Variants in ULK2 observed in about 807,000 individuals in gnomAD.
ULK2 encodes the protein unc-51 like autophagy activating kinase 2.
Under a neutral mutation model 127.5 loss-of-function variants are expected in ULK2, and 76 were observed. That is an observed-to-expected ratio of 0.60 (90% CI 0.50 to 0.72). ULK2 has a LOEUF of 0.72. Among genes scored for constraint, ULK2 ranks in the 30% least tolerant of loss-of-function variants. The probability of loss-of-function intolerance (pLI) is 0.00; values close to 1 mark genes in which losing one functional copy is unlikely to be tolerated. For missense variants in ULK2, 1,144 were observed against 1,295.9 expected, an observed-to-expected ratio of 0.88 and a Z score of 1.80; for synonymous variants, 452 against 461.9, an observed-to-expected ratio of 0.98 and a Z score of 0.28.
intron 2 of ULK2, 146 bp downstream of exon 2, chr17:19,865,590 T>TA: frequency 4.0e-6 from 2 of 501,634 alleles, no homozygotes; most frequent in East Asian, 7.4e-5. Flanking sequence ...CTCAATGTTT[T>TA]AAAAAAGTGA....
chr17:19,841,869 G>A (rs2041766247), intron 8 of ULK2, among the ~76,000 whole-genome samples: 1 of 151,964 alleles, frequency 6.6e-6, no homozygotes, highest in East Asian at 1.9e-4. Context: ...CCTTTTCTGA[G>A]GTACCTTTTC....
chr17:19,780,293 T>A (rs895810669), intron 25 of ULK2, among the ~76,000 whole-genome samples, 179 bp downstream of exon 25: 1 of 152,158 alleles, frequency 6.6e-6, no homozygotes, highest in African/African-American at 2.4e-5. Context: ...TTAAAATACA[T>A]CCAGTAAATG....
chr17:19,785,171 T>C (rs1041325617), intron 21 of ULK2, among the ~76,000 whole-genome samples: 29 of 152,232 alleles, frequency 1.9e-4, no homozygotes, highest in African/African-American at 4.8e-4. Flanking sequence ...AGTGCAAAGA[T>C]TGAGACCCAA....
chr17:19,810,304 A>C, intron 14 of ULK2, 74 bp downstream of exon 14: 1 of 961,154 alleles, frequency 1.0e-6, no homozygotes, highest in Non-Finnish European at 1.6e-6. Context: ...AATCAAGAAC[A>C]CTAAGTTCTA....
At chr17:19,852,780 G>A (rs1316396135) in intron 3 of ULK2, among the ~76,000 whole-genome samples, 5 of 150,948 alleles carry the variant, frequency 3.3e-5, no homozygotes, top group African/African-American at 4.9e-5. Context: ...ACAGGCACCC[G>A]CCACCACACC....
chr17:19,788,812 T>C (rs2087090380), intron 20 of ULK2, among the ~76,000 whole-genome samples: 2 of 152,242 alleles, frequency 1.3e-5, no homozygotes, highest in South Asian at 2.1e-4. Context: ...GAACTCCTTG[T>C]GGGCCATTGG....
intron 26 of ULK2, 72 bp from the exon 27 acceptor site, chr17:19,776,479 G>T: frequency 7.5e-7 from 1 of 1,335,304 alleles, no homozygotes; most frequent in South Asian, 1.4e-5. Context: ...TTCTATCTTT[G>T]CCCCAAAGTT....
Position 19,772,178 on chromosome 17 carries a change from TAC to T in ULK2, c.*4169_*4170del, listed in dbSNP as rs1440047925. On this transcript the variant is annotated 3_prime_UTR_variant, in exon 27 of 27. Coordinates refer to ENST00000395544, the MANE Select transcript of ULK2 (RefSeq NM_014683.4). The stretch of plus-strand genomic sequence containing the variant: ...TCTCAGCCTCTGCTCCTTTCCCTAG[TAC>T]AGTTTGATCTCTGAATTCACTTTGA... 6.6e-6 allele frequency: 1 copy of T among 152,310 alleles called. No individual in the cohort carries two copies. The highest frequency in any genetic ancestry group is 1.9e-4 in the East Asian group (1 of 5,204). The allele number at this position is 152,310 out of a possible 1,614,324, so 9.4% of individuals were successfully genotyped here.
chr17:19,867,223 G>A, intron 1 of ULK2, 105 bp downstream of exon 1: 1 of 841,156 alleles, frequency 1.2e-6, no homozygotes, highest in Non-Finnish European at 1.7e-6. Context: ...ATACCCGGGC[G>A]GCTAGCCGAG....
intron 21 of ULK2, 194 bp from the exon 22 acceptor site, chr17:19,784,099 A>C: frequency 2.4e-6 from 1 of 418,408 alleles, no homozygotes; most frequent in Non-Finnish European, 4.0e-6. Flanking sequence ...TTCCTTGTCT[A>C]TATATTTTAT....
chr17:19,850,242 G>A (rs1332113318), intron 3 of ULK2, among the ~76,000 whole-genome samples: 1 of 152,092 alleles, frequency 6.6e-6, no homozygotes, highest in South Asian at 2.1e-4. Flanking sequence ...AGGACGCCTG[G>A]TTTTTTGTTT....
At chr17:19,815,032 AT>A (rs1247901167) in intron 13 of ULK2, among the ~76,000 whole-genome samples, 2 of 152,164 alleles carry the variant, frequency 1.3e-5, no homozygotes, top group Non-Finnish European at 2.9e-5. Context: ...TTCAGTGAGC[AT>A]TTCCATTGGG....
At chr17:19,828,259 A>G (rs1278391245) in intron 10 of ULK2, among the ~76,000 whole-genome samples, 1 of 152,220 alleles carries the variant, frequency 6.6e-6, no homozygotes, top group Non-Finnish European at 1.5e-5. Flanking sequence ...AAGAAATGCT[A>G]AAGAGAGTAC....
chr17:19,867,260 C>A (rs1448628171), intron 1 of ULK2, 68 bp downstream of exon 1: 145 of 1,308,172 alleles, frequency 1.1e-4, no homozygotes, highest in Non-Finnish European at 1.3e-4. Context: ...GCGGCTGCGC[C>A]AAGTTTCAGA....
chr17:19,780,664 T>C, intron 24 of ULK2, 35 bp from the exon 25 acceptor site: 1 of 1,571,570 alleles, frequency 6.4e-7, no homozygotes, highest in Non-Finnish European at 8.6e-7. Flanking sequence ...TAATTTTAAT[T>C]TTCCTCCAGA....
At position 19,776,020 on chromosome 17, in the gene ULK2, G is replaced by A. The variant is rs2086806203; in HGVS notation, c.*329C>T. On this transcript the variant is annotated 3_prime_UTR_variant, in exon 27 of 27. Transcript: ENST00000395544. Reference sequence around the variant, plus strand: ...GAACCCAGTGACGAGCACTCACTTTGTTTCATTTTTAATTATCTTTAAGAA... The same window carrying A: ...GAACCCAGTGACGAGCACTCACTTTATTTCATTTTTAATTATCTTTAAGAA... 9 of 248,542 alleles carry A rather than the reference G, an allele frequency of 3.6e-5. 1 individual carries two copies. In the South Asian group the frequency reaches 9.2e-4, roughly 25 times the overall value. The allele number at this position is 248,542 out of a possible 1,614,324, so 15.4% of individuals were successfully genotyped here. A position where few individuals can be genotyped will look rare whatever the true frequency, so the allele number is the denominator to read the frequency against.
At chr17:19,836,863 C>T (rs867227655) in intron 10 of ULK2, among the ~76,000 whole-genome samples, 7 of 152,152 alleles carry the variant, frequency 4.6e-5, no homozygotes, top group African/African-American at 1.7e-4. Context: ...CAAGATCATG[C>T]CACTGCACTC....
At chr17:19,853,096 T>C (rs998788853) in intron 3 of ULK2, among the ~76,000 whole-genome samples, 2 of 151,792 alleles carry the variant, frequency 1.3e-5, no homozygotes, top group Non-Finnish European at 2.9e-5. Context: ...AACTTCCTGG[T>C]TTCTTTTTTA....
In ULK2 at chr17:19,805,864, A is replaced by C. The variant is rs1265720287; in HGVS notation, c.1158-1034T>G. ...TCGTGACTTTTCTGCATGAGAGAAA[A>C]CCTTTAAGTGTTCAACCACTCTATA... On this transcript the variant is annotated intron_variant, in intron 14 of 26. Coordinates refer to ENST00000395544, the MANE Select transcript of ULK2 (RefSeq NM_014683.4). Among the ~76,000 whole-genome samples the C allele has an allele frequency of 2.0e-4, 30 of 152,164 alleles. 1 individual carries two copies. The highest frequency in any genetic ancestry group is 2.0e-3 in the Admixed American group (30 of 15,278).
Sources: allele counts gnomAD v4.1 joint callset (sites outside exome capture counted in the v4.1 genomes callset), GRCh38; gene constraint gnomAD v4.1.1; transcripts MANE v1.5; gene names NCBI Gene and HGNC (gene_info 2026-07-23, HGNC 2026-07-21).